OSBPL5: variants seen among roughly 807,000 people sequenced by gnomAD.
The protein encoded by OSBPL5 is oxysterol binding protein like 5, also known as oxysterol-binding protein-related protein 5.
In OSBPL5, 71 loss-of-function variants were observed where a neutral mutation model predicts 111.2. The observed-to-expected ratio is 0.64, with a 90% confidence interval of 0.53 to 0.78. The LOEUF is 0.78. OSBPL5 is among the 30% of genes least tolerant of loss of function. The pLI, the probability that OSBPL5 is intolerant of heterozygous loss-of-function variation, is 0.00. For missense variants in OSBPL5, 1,210 were observed against 1,189.3 expected (o/e 1.02, Z -0.26); for synonymous variants, 549 against 513.9 (o/e 1.07, Z -0.93).
At chr11:3,129,625 G>A (rs1053687616) in intron 1 of OSBPL5, among the ~76,000 whole-genome samples, 10 of 152,220 alleles carry the variant, frequency 6.6e-5, no homozygotes, top group Non-Finnish European at 1.0e-4. Flanking sequence ...TGGCCGCTGA[G>A]CACCAGGGAG....
Position 3,126,568 on chromosome 11 carries a change from AG to A in OSBPL5, c.137-14del. On this transcript the variant is annotated splice_polypyrimidine_tract_variant and intron_variant, in intron 2 of 21. Transcript: ENST00000263650. This position sits in a 1 kb window ranked among gnomAD's most constrained non-coding sequence, Gnocchi z 6.5. ...TCCATGTCCTTCCCTGCAAGAGAGC[AG>A]TGGGAGTGAGGACCCAGGCATGGTG... The A allele has an allele frequency of 6.2e-7, 1 of 1,603,014 alleles. No homozygotes were observed. The highest frequency in any genetic ancestry group is 1.1e-5 in the South Asian group (1 of 89,864).
Position 3,126,851 on chromosome 11 carries a change from T to C in OSBPL5, c.137-296A>G, listed in dbSNP as rs930568908. On this transcript the variant is annotated intron_variant, in intron 2 of 21. Transcript: ENST00000263650. This position sits in a 1 kb window ranked among gnomAD's most constrained non-coding sequence, Gnocchi z 6.5. ...ATCCTGGGCCTGCTGTAGTGTGCAA[T>C]TGGGGGTCTGTGAAGGCCAGAGTCC... Among the ~76,000 whole-genome samples the C allele has an allele frequency of 1.4e-4, 22 of 152,266 alleles. No individual in the cohort carries two copies. Among genetic ancestry groups the C allele is most frequent in the East Asian group, 3.9e-4 (2 of 5,170 alleles).
intron 1 of OSBPL5, among the ~76,000 whole-genome samples, chr11:3,143,381 GC>G (rs1047403756): frequency 1.8e-4 from 28 of 152,308 alleles, no homozygotes; most frequent in Admixed American, 1.4e-3. Context: ...ACAAGCACAC[GC>G]CCCCAGGTGG....
chr11:3,103,687 GCCCCC>G (rs1857537254), intron 10 of OSBPL5, among the ~76,000 whole-genome samples: 3 of 136,106 alleles, frequency 2.2e-5, no homozygotes, highest in Admixed American at 7.4e-5. Flanking sequence ...AGTCTCTGCA[GCCCCC>G]TTCCAGCCTG....
chr11:3,119,738 C>A, intron 6 of OSBPL5, 107 bp from the exon 7 acceptor site: 1 of 1,105,652 alleles, frequency 9.0e-7, no homozygotes, highest in Admixed American at 3.2e-5. Context: ...ACCTGGACAC[C>A]CCCAGGGCCA....
chr11:3,101,166 G>A (rs527473687), intron 13 of OSBPL5, among the ~76,000 whole-genome samples: 15 of 151,966 alleles, frequency 9.9e-5, no homozygotes, highest in African/African-American at 3.6e-4. Context: ...GTAGAGACAG[G>A]GTTTCACCAT....
At chr11:3,123,481 C>T (rs1242300760) in intron 3 of OSBPL5, among the ~76,000 whole-genome samples, 3 of 152,260 alleles carry the variant, frequency 2.0e-5, no homozygotes, top group African/African-American at 7.2e-5. Flanking sequence ...TGGCTGTTCT[C>T]GTGCTTGGAT....
chr11:3,152,337 T>G (rs1193646728), intron 1 of OSBPL5, among the ~76,000 whole-genome samples: 1 of 152,200 alleles, frequency 6.6e-6, no homozygotes, highest in African/African-American at 2.4e-5. Context: ...TAAAGGTACT[T>G]CAAAAAGAAG....
chr11:3,097,019 AGGG>A (rs57776485), intron 14 of OSBPL5, among the ~76,000 whole-genome samples: 232 of 11,334 alleles, frequency 0.02, no homozygotes, highest in Middle Eastern at 0.038. Flanking sequence ...GGAAGACGGG[AGGG>A]GGAGGAGAGG....
chr11:3,151,212 C>A (rs772443242), intron 1 of OSBPL5, among the ~76,000 whole-genome samples: 1 of 152,126 alleles, frequency 6.6e-6, no homozygotes, highest in Non-Finnish European at 1.5e-5. Flanking sequence ...CCAGAGCCTT[C>A]GGAGGGAGCG....
intron 14 of OSBPL5, among the ~76,000 whole-genome samples, chr11:3,096,483 G>T (rs1164299790): frequency 6.6e-6 from 1 of 152,066 alleles, no homozygotes; most frequent in African/African-American, 2.4e-5. Flanking sequence ...GCTAGGTGTG[G>T]TGGCGCACGC....
intron 3 of OSBPL5, among the ~76,000 whole-genome samples, chr11:3,124,888 G>A (rs1232583318): frequency 6.6e-6 from 1 of 152,196 alleles, no homozygotes; most frequent in Non-Finnish European, 1.5e-5. Context: ...CCCACTAGAT[G>A]CAGCTGAATG....
At chr11:3,093,972 C>G in intron 15 of OSBPL5, 137 bp from the exon 16 acceptor site, 1 of 1,090,908 alleles carries the variant, frequency 9.2e-7, no homozygotes, top group Non-Finnish European at 1.3e-6. Context: ...CCCTCGCCAA[C>G]GAGGCCTTCG....
chr11:3,090,864 A>G (rs1857032625), intron 19 of OSBPL5, 168 bp from the exon 20 acceptor site: 1 of 866,914 alleles, frequency 1.2e-6, no homozygotes, highest in Non-Finnish European at 1.7e-6. Flanking sequence ...CAGCCCCGGC[A>G]TGGCCTGGAG....
intron 3 of OSBPL5, among the ~76,000 whole-genome samples, chr11:3,124,416 C>A (rs572804039): frequency 6.6e-6 from 1 of 152,116 alleles, no homozygotes; most frequent in Admixed American, 6.5e-5. Context: ...TGACAGGCCT[C>A]CAGGGACCCA....
chr11:3,112,075 A>ATGTG (rs137958534), intron 7 of OSBPL5, among the ~76,000 whole-genome samples: 14 of 137,094 alleles, frequency 1.0e-4, no homozygotes, highest in South Asian at 7.1e-4. Context: ...GTGTGTGTGC[A>ATGTG]TGTGTGTGTG....
intron 1 of OSBPL5, among the ~76,000 whole-genome samples, chr11:3,131,792 C>CCAT (rs1564850220): frequency 2.7e-5 from 1 of 36,668 alleles, no homozygotes; most frequent in Admixed American, 2.2e-4. Flanking sequence ...CATCCATCCA[C>CCAT]CTACCCATTC....
intron 1 of OSBPL5, among the ~76,000 whole-genome samples, chr11:3,163,216 A>G (rs553259489): frequency 6.0e-4 from 91 of 152,292 alleles, no homozygotes; most frequent in African/African-American, 2.1e-3. Context: ...CCCTTGAACA[A>G]TAAATGGGAA....
At chr11:3,119,300 C>T (rs1474593210) in intron 7 of OSBPL5, among the ~76,000 whole-genome samples, 2 of 152,180 alleles carry the variant, frequency 1.3e-5, no homozygotes, top group African/African-American at 4.8e-5. Context: ...TGTGAGCCAC[C>T]ACGCCTGGCC....
Sources: allele counts gnomAD v4.1 joint callset (sites outside exome capture counted in the v4.1 genomes callset), GRCh38; gene constraint gnomAD v4.1.1; non-coding constraint Gnocchi (gnomAD v3.1); transcripts MANE v1.5; gene names NCBI Gene and HGNC (gene_info 2026-07-23, HGNC 2026-07-21).